Variants in CIT observed in about 807,000 individuals in gnomAD.
The protein encoded by CIT is citron rho-interacting serine/threonine kinase, also known as citron Rho-interacting kinase.
CIT carries 79 observed loss-of-function variants against 272.7 expected under a neutral mutation model. The ratio of observed to expected loss-of-function variants is 0.29; its 90% CI spans 0.24 to 0.35. The LOEUF is 0.35. CIT is among the 10% of genes least tolerant of loss of function. The pLI, the probability that CIT is intolerant of heterozygous loss-of-function variation, is 1.00. For synonymous variants in CIT, 948 were observed against 995.6 expected (o/e 0.95, Z 0.90); for missense variants, 1,909 against 2,618.3 (o/e 0.73, Z 5.91).
At position 119,710,124 on chromosome 12, in the gene CIT, G is replaced by C. The variant is rs1256351278; in HGVS notation, c.5071+127C>G. On this transcript the variant is annotated intron_variant, in intron 39 of 47. Transcript: ENST00000392521. This position sits in a 1 kb window ranked among gnomAD's most constrained non-coding sequence, Gnocchi z 5.6. ...ATTAGCTGAGGCTTGGGCATCTATG[G>C]GGACACAGAGATAAGAGCTACAACG... 2.9e-6 allele frequency: 3 copies of C among 1,038,864 alleles called. No homozygotes were observed. The highest frequency in any genetic ancestry group is 4.3e-6 in the Non-Finnish European group (3 of 704,610). The allele number at this position is 1,038,864 out of a possible 1,614,324, so 64.4% of individuals were successfully genotyped here.
intron 5 of CIT, among the ~76,000 whole-genome samples, chr12:119,839,677 T>C (rs952784841): frequency 1.3e-5 from 2 of 152,136 alleles, no homozygotes; most frequent in Non-Finnish European, 2.9e-5. Context: ...AAAATCCTCA[T>C]TGAGTACTGA....
chr12:119,773,738 G>A (rs1963441490), intron 16 of CIT, among the ~76,000 whole-genome samples: 1 of 152,140 alleles, frequency 6.6e-6, no homozygotes, highest in Admixed American at 6.5e-5. Flanking sequence ...TGTGTTTGCT[G>A]TTTTTAAATG....
At chr12:119,719,929 T>A (rs1044435149) in intron 30 of CIT, among the ~76,000 whole-genome samples, 5 of 152,202 alleles carry the variant, frequency 3.3e-5, no homozygotes, top group Non-Finnish European at 7.3e-5. Flanking sequence ...TCTCCTGCAA[T>A]CTAAAAGGGT....
chr12:119,843,884 A>G (rs1969593395), intron 5 of CIT, among the ~76,000 whole-genome samples: 1 of 152,130 alleles, frequency 6.6e-6, no homozygotes, highest in African/African-American at 2.4e-5. Flanking sequence ...TTGTTGATGT[A>G]AAAGTGGCCA....
chr12:119,778,324 A>T (rs1362726160), intron 13 of CIT, among the ~76,000 whole-genome samples: 1 of 152,242 alleles, frequency 6.6e-6, no homozygotes, highest in Admixed American at 6.5e-5. Context: ...GTATAAAAAT[A>T]TTCTGTGTTA....
intron 29 of CIT, 74 bp from the exon 30 acceptor site, chr12:119,720,659 T>C: frequency 9.0e-7 from 1 of 1,107,504 alleles, no homozygotes. Flanking sequence ...TTTAAGAAAC[T>C]AAAAAGTGAA....
intron 4 of CIT, among the ~76,000 whole-genome samples, chr12:119,855,558 C>T (rs1032362219): frequency 1.3e-5 from 2 of 149,098 alleles, no homozygotes; most frequent in African/African-American, 2.6e-5. Context: ...TCCCTCCTCT[C>T]GGGCACTTCT....
chr12:119,832,552 C>G (rs1968713264), intron 7 of CIT, among the ~76,000 whole-genome samples: 1 of 152,064 alleles, frequency 6.6e-6, no homozygotes, highest in South Asian at 2.1e-4. Flanking sequence ...CAAACTATAA[C>G]AATGCTCCTA....
In CIT at chr12:119,718,548, G is replaced by T; in HGVS notation, c.4004-139C>A. On this transcript the variant is annotated intron_variant, in intron 31 of 47. Transcript: ENST00000392521. The surrounding 1 kb of genome is among the most constrained non-coding windows in gnomAD (Gnocchi z 4.8). ...CACATCAACTTGGCAATGCACAGGGGCCATACGTTTTTCAGACATGGGATG... is the reference window on the plus strand; with the variant it reads ...CACATCAACTTGGCAATGCACAGGGTCCATACGTTTTTCAGACATGGGATG... 1 of 1,391,456 alleles carries T rather than the reference G, an allele frequency of 7.2e-7. No homozygotes were observed. The highest frequency in any genetic ancestry group is 9.9e-7 in the Non-Finnish European group (1 of 1,012,598). 86.2% of individuals were successfully genotyped at this position (1,391,456 alleles called of 1,614,324 possible).
chr12:119,783,822 C>T, intron 12 of CIT, 86 bp downstream of exon 12: 1 of 1,447,746 alleles, frequency 6.9e-7, no homozygotes, highest in Non-Finnish European at 9.3e-7. Context: ...CTGTGATGTG[C>T]CTCATGGAGC....
intron 20 of CIT, among the ~76,000 whole-genome samples, chr12:119,759,660 A>G (rs1961491734): frequency 6.6e-6 from 1 of 151,898 alleles, no homozygotes; most frequent in Non-Finnish European, 1.5e-5. Flanking sequence ...ACAAAACAAA[A>G]CAACAAAAAA....
chr12:119,833,986 T>A lies in CIT; in HGVS notation c.659+100A>T, dbSNP rs280587. 2,356 of 1,262,930 alleles carry A rather than the reference T, an allele frequency of 1.9e-3. 35 individuals carry two copies. In the African/African-American group the frequency reaches 0.032, roughly 17 times the overall value. The allele number at this position is 1,262,930 out of a possible 1,614,324, so 78.2% of individuals were successfully genotyped here. A position where few individuals can be genotyped will look rare whatever the true frequency, so the allele number is the denominator to read the frequency against. On this transcript the variant is annotated intron_variant, in intron 6 of 47. Transcript: ENST00000392521. ...TGGCTAAAAACTGGATGGGGCGTTA[T>A]CTTGATCTTGAAATCACTCATCCAC...
At chr12:119,856,044 C>T (rs17496224) in intron 4 of CIT, among the ~76,000 whole-genome samples, 6,117 of 152,280 alleles carry the variant, frequency 0.04, 158 homozygotes, top group Non-Finnish European at 0.058. Context: ...TGTCACTTTT[C>T]CTTTCTATTA....
intron 44 of CIT, chr12:119,698,312 G>A (rs1186189069): frequency 4.5e-6 from 2 of 448,866 alleles, no homozygotes; most frequent in African/African-American, 2.0e-5. Flanking sequence ...ACATCTGGCT[G>A]GGCGTGGTGG....
At chr12:119,764,700 A>G (rs1245627170) in intron 19 of CIT, among the ~76,000 whole-genome samples, 1 of 152,190 alleles carries the variant, frequency 6.6e-6, no homozygotes, top group Non-Finnish European at 1.5e-5. Flanking sequence ...ATTGGGAAAT[A>G]TGTCAGAAGA....
At chr12:119,786,857 C>A (rs1034251166) in intron 10 of CIT, among the ~76,000 whole-genome samples, 1 of 152,196 alleles carries the variant, frequency 6.6e-6, no homozygotes, top group Non-Finnish European at 1.5e-5. Flanking sequence ...CACAGTGGCA[C>A]ATGCCTATAA....
chr12:119,713,508 T>C lies in CIT; in HGVS notation c.4447A>G (p.Ser1483Gly). Residue 1483 changes from serine to glycine, a missense_variant, in exon 34 of 48, where the codon AGC (serine) becomes GGC (glycine). Around this residue, in one of 8 missense-constraint regions of CIT, gnomAD observed 780 missense variants for 1,067.2 expected, o/e 0.73. Transcript: ENST00000392521. The surrounding 1 kb of genome is among the most constrained non-coding windows in gnomAD (Gnocchi z 5.2). ...NSPGLQTKEP[S>G]SSLHLEGWMK... ...CACCCTTCCAGGTGCAAGCTGCTGC[T>C]GGGCTCCTTGGTCTGGAGACCTGGG... 1.2e-6 allele frequency: 2 copies of C among 1,614,230 alleles called. No individual in the cohort carries two copies. Among genetic ancestry groups the C allele is most frequent in the South Asian group, 1.1e-5 (1 of 91,084 alleles).
At chr12:119,732,246 TCCACAA>T (rs1958498386) in intron 26 of CIT, among the ~76,000 whole-genome samples, 1 of 152,186 alleles carries the variant, frequency 6.6e-6, no homozygotes, top group African/African-American at 2.4e-5. Flanking sequence ...GGCACGATCT[TCCACAA>T]TTGCCCTGAA....
intron 24 of CIT, 110 bp downstream of exon 24, chr12:119,742,301 T>C (rs554323074): frequency 3.4e-5 from 25 of 729,268 alleles, no homozygotes; most frequent in African/African-American, 2.2e-4. Context: ...TTCTTCAAGC[T>C]GCAAGTTCGT....
Sources: gnomAD v4.1 joint callset for allele counts (sites outside exome capture counted in the v4.1 genomes callset) on GRCh38, gnomAD v4.1.1 for gene constraint, gnomAD v4.1.1 regional missense constraint, Gnocchi (gnomAD v3.1) non-coding constraint, MANE v1.5 for transcripts, NCBI Gene and HGNC (gene_info 2026-07-23, HGNC 2026-07-21) for gene names.